The following LINGO2 variants were observed in gnomAD, a reference collection of about 807,000 sequenced individuals.
LINGO2 encodes leucine rich repeat and Ig domain containing 2, also known as leucine-rich repeat and immunoglobulin-like domain-containing nogo receptor-interacting protein 2.
LINGO2 carries 14 observed loss-of-function variants against 30.6 expected under a neutral mutation model. That is an observed-to-expected ratio of 0.46 (90% confidence interval 0.30 to 0.72). LINGO2 has a LOEUF of 0.72. Ranked by LOEUF, LINGO2 falls within the 30% of genes least tolerant of loss-of-function variation. The pLI is 0.07. For missense variants in LINGO2, 729 were observed against 751.7 expected, an observed-to-expected ratio of 0.97 and a Z score of 0.35; for synonymous variants, 317 against 288.5, an observed-to-expected ratio of 1.10 and a Z score of -1.00.
At chr9:29,072,925 T>G in the LINGO2 span, among the ~76,000 whole-genome samples, 3 of 148,516 alleles carry the variant, frequency 2.0e-5, no homozygotes. Context: ...TCTCTAGCGC[T>G]CTCTCTCTCT....
the LINGO2 span, among the ~76,000 whole-genome samples, chr9:28,698,161 T>C: frequency 6.6e-6 from 1 of 152,046 alleles, no homozygotes; most frequent in African/African-American, 2.4e-5. Flanking sequence ...CAGGGTGATC[T>C]GAGATGATGG....
At chr9:28,082,675 G>A (rs540294707) in intron 4 of LINGO2, among the ~76,000 whole-genome samples, 4 of 152,038 alleles carry the variant, frequency 2.6e-5, no homozygotes, top group East Asian at 1.9e-4. Flanking sequence ...TAAAAACTAC[G>A]TTCTATTCTC....
intron 4 of LINGO2, among the ~76,000 whole-genome samples, chr9:28,038,936 C>G (rs919736346): frequency 1.6e-4 from 25 of 152,214 alleles, no homozygotes; most frequent in African/African-American, 5.5e-4. Flanking sequence ...GTCACTAAAT[C>G]TCTTCCAAAT....
the LINGO2 span, among the ~76,000 whole-genome samples, chr9:29,001,135 A>C: frequency 6.6e-6 from 1 of 151,858 alleles, no homozygotes; most frequent in African/African-American, 2.4e-5. Flanking sequence ...AGTAGACTGC[A>C]GTGTTGAAAC....
Position 28,205,473 on chromosome 9 carries a change from C to T in LINGO2, c.-87+89735G>A, listed in dbSNP as rs913754543. Among the ~76,000 whole-genome samples, 9 of 152,268 alleles carry T rather than the reference C, an allele frequency of 5.9e-5. 1 individual carries two copies. Among genetic ancestry groups the T allele is most frequent in the Middle Eastern group, 3.4e-3 (1 of 294 alleles). On this transcript the variant is annotated intron_variant, in intron 4 of 5. Coordinates refer to ENST00000379992, the Ensembl canonical transcript of LINGO2. ...AAATTTATTTCTTCATAATACTTAT[C>T]AACACCTGATATTAACCTACTTAAC...
At chr9:27,939,077 T>C in the LINGO2 span, 23 of 152,336 alleles carry the variant, frequency 1.5e-4, no homozygotes, top group Non-Finnish European at 2.9e-4. Context: ...CTTATCAATT[T>C]GGAAACCAAC....
chr9:28,235,997 C>G (rs1309826145), intron 4 of LINGO2, among the ~76,000 whole-genome samples: 1 of 152,050 alleles, frequency 6.6e-6, no homozygotes, highest in Non-Finnish European at 1.5e-5. Flanking sequence ...GAACAACATG[C>G]AGATTTAGCC....
At chr9:28,053,351 A>T (rs1824765144) in intron 4 of LINGO2, among the ~76,000 whole-genome samples, 1 of 152,064 alleles carries the variant, frequency 6.6e-6, no homozygotes, top group South Asian at 2.1e-4. Context: ...GAGAGTCGTA[A>T]GAGACAAAAC....
chr9:29,129,876 G>C, the LINGO2 span, among the ~76,000 whole-genome samples: 2 of 152,078 alleles, frequency 1.3e-5, no homozygotes, highest in African/African-American at 4.8e-5. Context: ...AAAATGACTG[G>C]TTGTTTAAAA....
intron 1 of LINGO2, among the ~76,000 whole-genome samples, chr9:28,606,719 C>A (rs1444259958): frequency 1.3e-5 from 2 of 152,010 alleles, no homozygotes; most frequent in Admixed American, 1.3e-4. Context: ...GATGCTTCCA[C>A]AACTAGCTAT....
At chr9:28,747,240 G>A in the LINGO2 span, among the ~76,000 whole-genome samples, 1 of 151,948 alleles carries the variant, frequency 6.6e-6, no homozygotes, top group Non-Finnish European at 1.5e-5. Flanking sequence ...TGAATGCTGA[G>A]AGGAGTTTGG....
the LINGO2 span, among the ~76,000 whole-genome samples, chr9:28,891,503 T>C: frequency 6.6e-6 from 1 of 151,836 alleles, no homozygotes; most frequent in Admixed American, 6.6e-5. Flanking sequence ...GTATTAGTCA[T>C]ATTAACACCT....
chr9:28,455,036 T>C (rs1454818910), intron 2 of LINGO2, among the ~76,000 whole-genome samples: 1 of 152,068 alleles, frequency 6.6e-6, no homozygotes, highest in Non-Finnish European at 1.5e-5. Context: ...CTTATCAATA[T>C]TTCTAGTATT....
chr9:28,251,763 T>C (rs1197150808), intron 4 of LINGO2, among the ~76,000 whole-genome samples: 2 of 151,896 alleles, frequency 1.3e-5, no homozygotes, highest in African/African-American at 4.8e-5. Flanking sequence ...TAATAACAGG[T>C]AGAATTCAGA....
At chr9:28,305,329 T>G (rs1220113000) in intron 3 of LINGO2, among the ~76,000 whole-genome samples, 2 of 151,986 alleles carry the variant, frequency 1.3e-5, no homozygotes, top group Admixed American at 6.6e-5. Flanking sequence ...GGATGTCAGC[T>G]CCCATCACTT....
intron 3 of LINGO2, among the ~76,000 whole-genome samples, chr9:28,342,006 T>G (rs1056790432): frequency 6.6e-6 from 1 of 152,124 alleles, no homozygotes; most frequent in Non-Finnish European, 1.5e-5. Context: ...CTTTACAATG[T>G]AATTCCAAAT....
intron 2 of LINGO2, among the ~76,000 whole-genome samples, chr9:28,396,085 C>G (rs562620203): frequency 6.6e-6 from 1 of 152,216 alleles, no homozygotes; most frequent in Non-Finnish European, 1.5e-5. Context: ...TTCCATACAA[C>G]TAGTTATGGG....
chr9:28,751,532 T>C, the LINGO2 span, among the ~76,000 whole-genome samples: 2 of 151,992 alleles, frequency 1.3e-5, no homozygotes, highest in Non-Finnish European at 2.9e-5. Context: ...ATTTTAAGTC[T>C]TTTTAATATC....
intron 2 of LINGO2, among the ~76,000 whole-genome samples, chr9:28,444,915 G>A (rs1489585213): frequency 6.6e-6 from 1 of 152,176 alleles, no homozygotes; most frequent in Non-Finnish European, 1.5e-5. Context: ...TGGGCCAAGT[G>A]GGCAGAACTA....
Sources: allele counts gnomAD v4.1 joint callset (sites outside exome capture counted in the v4.1 genomes callset), GRCh38; gene constraint gnomAD v4.1.1; transcripts MANE v1.5; gene names NCBI Gene and HGNC (gene_info 2026-07-23, HGNC 2026-07-21).